The following ATP2A3 variants were observed in gnomAD, a reference collection of about 807,000 sequenced individuals.
ATP2A3 encodes ATPase sarcoplasmic/endoplasmic reticulum Ca2+ transporting 3, also known as sarcoplasmic/endoplasmic reticulum calcium ATPase 3.
A neutral mutation model predicts 106.8 loss-of-function variants in ATP2A3; 61 were observed. The ratio of observed to expected loss-of-function variants is 0.57; its 90% confidence interval spans 0.46 to 0.71. ATP2A3 has a LOEUF of 0.71. Ranked by LOEUF, ATP2A3 falls within the 30% of genes least tolerant of loss-of-function variation. The pLI, the probability that ATP2A3 is intolerant of heterozygous loss-of-function variation, is 0.00. For missense variants in ATP2A3, 1,201 were observed against 1,423.5 expected, an observed-to-expected ratio of 0.84 and a Z score of 2.52; for synonymous variants, 611 against 609.3, an observed-to-expected ratio of 1.00 and a Z score of -0.04.
chr17:3,960,645 A>G (rs1049330530), intron 1 of ATP2A3, among the ~76,000 whole-genome samples: 1 of 152,232 alleles, frequency 6.6e-6, no homozygotes, highest in Non-Finnish European at 1.5e-5. Context: ...AAAGACACCC[A>G]ATGTGACTTT....
chr17:3,947,504 G>A lies in ATP2A3; in HGVS notation c.982C>T (p.Arg328Cys), dbSNP rs575315392. 42 of 1,613,386 alleles carry A rather than the reference G, an allele frequency of 2.6e-5. No individual in the cohort carries two copies. Among genetic ancestry groups the A allele is most frequent in the Admixed American group, 2.0e-4 (12 of 60,006 alleles). ...AGGCTTCGCACGATGGCGTTCTTGC[G>A]TGCCATGCGCCGCGTGCCCAGTGCC... ...CLALGTRRMA[R>C]KNAIVRSLPS... The change falls in exon 8 of 21, where the codon CGC becomes TGC. Residue 328 changes from arginine to cysteine, a missense_variant. Arg to Cys is a radical substitution (Grantham distance 180, BLOSUM62 -3). Transcript: ENST00000397041. This position sits in a 1 kb window ranked among gnomAD's most constrained non-coding sequence, Gnocchi z 7.7.
At chr17:3,927,212 GGCCTGGGGAATCC>G in intron 20 of ATP2A3, 1 of 985,422 alleles carries the variant, frequency 1.0e-6, no homozygotes, top group Non-Finnish European at 1.2e-6. Context: ...CCGCTCTTTA[GGCCTGGGGAATCC>G]TCCACCATCC....
At chr17:3,946,976 T>C (rs1445554018) in intron 8 of ATP2A3, among the ~76,000 whole-genome samples, 1 of 152,236 alleles carries the variant, frequency 6.6e-6, no homozygotes, top group Non-Finnish European at 1.5e-5. Flanking sequence ...AGCTGGCTTA[T>C]CTGGTGACAG....
At chr17:3,950,882 G>C in intron 5 of ATP2A3, 109 bp from the exon 6 acceptor site, 3 of 1,080,178 alleles carry the variant, frequency 2.8e-6, no homozygotes, top group Non-Finnish European at 4.1e-6. Context: ...GGGTGCCTGA[G>C]CTGTGATCGC....
chr17:3,948,696 G>A (rs2054252990), intron 7 of ATP2A3, among the ~76,000 whole-genome samples: 1 of 152,086 alleles, frequency 6.6e-6, no homozygotes, highest in African/African-American at 2.4e-5. Flanking sequence ...TGGGATTATA[G>A]GCATGAGCTA....
At position 3,953,806 on chromosome 17, in the gene ATP2A3, T is replaced by C. The variant is rs1236229789; in HGVS notation, c.119-96A>G. The C allele has an allele frequency of 7.4e-6, 10 of 1,359,718 alleles. 1 individual carries two copies. The highest frequency in any genetic ancestry group is 4.1e-4 in the Middle Eastern group (2 of 4,832). The allele number at this position is 1,359,718 out of a possible 1,614,324, so 84.2% of individuals were successfully genotyped here. A position where few individuals can be genotyped will look rare whatever the true frequency, so the allele number is the denominator to read the frequency against. On this transcript the variant is annotated intron_variant, in intron 1 of 20. Coordinates refer to ENST00000397041, the MANE Select transcript of ATP2A3 (RefSeq NM_005173.4). The surrounding 1 kb of genome is among the most constrained non-coding windows in gnomAD (Gnocchi z 5.1). The stretch of plus-strand genomic sequence containing the variant: ...GGAGTCTGGCAGTGCCTCCCCACCG[T>C]GCCCGCCCAGACCCCCACCACGGAC...
In ATP2A3 at chr17:3,928,406, C is replaced by G; in HGVS notation, c.2980+257G>C. 1 of 1,367,172 alleles carries G rather than the reference C, an allele frequency of 7.3e-7. No individual in the cohort carries two copies. The highest frequency in any genetic ancestry group is 1.4e-5 in the African/African-American group (1 of 69,606). 84.7% of individuals were successfully genotyped at this position (1,367,172 alleles called of 1,614,324 possible). The stretch of plus-strand genomic sequence containing the variant: ...CCATGTAGGGGGTGGCAGGTGAAGA[C>G]AGTGAGGCAGTGTGGCCCAAGAGGT... On this transcript the variant is annotated intron_variant, in intron 20 of 20. Transcript: ENST00000397041. The surrounding 1 kb of genome is among the most constrained non-coding windows in gnomAD (Gnocchi z 6.1).
At position 3,953,002 on chromosome 17, in the gene ATP2A3, C is replaced by T. The variant is rs1047560231; in HGVS notation, c.219+345G>A. Among the ~76,000 whole-genome samples the T allele has an allele frequency of 6.6e-6, 1 of 152,162 alleles. No homozygotes were observed. Among genetic ancestry groups the T allele is most frequent in the Non-Finnish European group, 1.5e-5 (1 of 68,022 alleles). On this transcript the variant is annotated intron_variant, in intron 3 of 20. Coordinates refer to ENST00000397041, the MANE Select transcript of ATP2A3 (RefSeq NM_005173.4). This position sits in a 1 kb window ranked among gnomAD's most constrained non-coding sequence, Gnocchi z 5.1. ...CAGTGGAAAGCCCCCACCCCCACCC[C>T]GACAAAGAATGATCTGGTCTAAACT...
chr17:3,962,235 A>C (rs557880476), intron 1 of ATP2A3, among the ~76,000 whole-genome samples: 2 of 152,254 alleles, frequency 1.3e-5, no homozygotes, highest in East Asian at 3.9e-4. Flanking sequence ...CCCAGAGAGG[A>C]GCAGGTAACC....
chr17:3,951,121 C>T lies in ATP2A3; in HGVS notation c.463+130G>A, dbSNP rs764998392. 9.4e-5 allele frequency: 92 copies of T among 978,216 alleles called. No homozygotes were observed. In the Middle Eastern group the frequency reaches 1.1e-3, roughly 12 times the overall value. 60.6% of individuals were successfully genotyped at this position (978,216 alleles called of 1,614,324 possible). A position where few individuals can be genotyped will look rare whatever the true frequency, so the allele number is the denominator to read the frequency against. The stretch of plus-strand genomic sequence containing the variant: ...CGGGAGGCAGGAGGTTGCAGTGAGC[C>T]GAGATTGCGCCACTGCACTCCAGTC... On this transcript the variant is annotated intron_variant, in intron 5 of 20. Coordinates refer to ENST00000397041, the MANE Select transcript of ATP2A3 (RefSeq NM_005173.4).
At chr17:3,935,561 G>C in intron 16 of ATP2A3, among the ~76,000 whole-genome samples, 1 of 130,388 alleles carries the variant, frequency 7.7e-6, no homozygotes, top group Non-Finnish European at 1.6e-5. Context: ...TTTTTGAGAC[G>C]GAGTCTCACT....
rs1249293754 is a variant in ATP2A3 at position 3,930,240 on chromosome 17, G to C, written c.2744+61C>G. On this transcript the variant is annotated intron_variant, in intron 18 of 20. Transcript: ENST00000397041. This position sits in a 1 kb window ranked among gnomAD's most constrained non-coding sequence, Gnocchi z 5.4. ...CCCTGACCCTCAGACACTGATACTGGAACCCCCAGCCCTCAGCCCCCACTC... is the reference window on the plus strand; with the variant it reads ...CCCTGACCCTCAGACACTGATACTGCAACCCCCAGCCCTCAGCCCCCACTC... 7.3e-7 allele frequency: 1 copy of C among 1,375,338 alleles called. No homozygotes were observed. Among genetic ancestry groups the C allele is most frequent in the Non-Finnish European group, 9.5e-7 (1 of 1,055,284 alleles). The allele number at this position is 1,375,338 out of a possible 1,614,324, so 85.2% of individuals were successfully genotyped here. A position where few individuals can be genotyped will look rare whatever the true frequency, so the allele number is the denominator to read the frequency against.
At chr17:3,950,902 C>A in intron 5 of ATP2A3, 129 bp from the exon 6 acceptor site, 2 of 940,410 alleles carry the variant, frequency 2.1e-6, no homozygotes, top group Non-Finnish European at 1.6e-6. Flanking sequence ...CTCTGGTGAC[C>A]CCTGCCCCTC....
chr17:3,936,226 G>T lies in ATP2A3; in HGVS notation c.2524+41C>A. The T allele has an allele frequency of 6.2e-7, 1 of 1,610,512 alleles. No homozygotes were observed. Among genetic ancestry groups the T allele is most frequent in the Non-Finnish European group, 8.5e-7 (1 of 1,177,194 alleles). ...TTGCAAGCCTGATACAAGGCTCTTA[G>T]GAAGCTTAGGAATTCCACGGAGGGC... is the stretch of plus-strand genomic sequence containing the variant. On this transcript the variant is annotated intron_variant, in intron 16 of 20. Transcript: ENST00000397041. This position sits in a 1 kb window ranked among gnomAD's most constrained non-coding sequence, Gnocchi z 5.4.
chr17:3,927,946 C>T (rs753960), intron 20 of ATP2A3: 214,971 of 1,612,248 alleles, frequency 0.13, 15,327 homozygotes, highest in African/African-American at 0.23. Context: ...ATACGGCCAC[C>T]GCCTCTGCGC....
At position 3,929,536 on chromosome 17, in the gene ATP2A3, T is replaced by TAGAGA; in HGVS notation, c.2745-92_2745-91insTCTCT. ...CATGGGAGGAGCCTCACCACTTCTC[T>TAGAGA]AGCGGTGCATTGCTGTTGCCCGCTC... On this transcript the variant is annotated intron_variant, in intron 18 of 20. Coordinates refer to ENST00000397041, the MANE Select transcript of ATP2A3 (RefSeq NM_005173.4). The surrounding 1 kb of genome is among the most constrained non-coding windows in gnomAD (Gnocchi z 4.3). The TAGAGA allele has an allele frequency of 9.1e-7, 1 of 1,096,590 alleles. No individual in the cohort carries two copies. Among genetic ancestry groups the TAGAGA allele is most frequent in the Non-Finnish European group, 1.3e-6 (1 of 748,190 alleles). 67.9% of individuals were successfully genotyped at this position (1,096,590 alleles called of 1,614,324 possible).
intron 10 of ATP2A3, 23 bp downstream of exon 10, chr17:3,944,681 T>C: frequency 6.2e-7 from 1 of 1,607,024 alleles, no homozygotes; most frequent in South Asian, 1.1e-5. Flanking sequence ...ACTAGGGAGG[T>C]CATGAAAGGG....
intron 11 of ATP2A3, 111 bp from the exon 12 acceptor site, chr17:3,942,842 T>A (rs2053862242): frequency 6.7e-7 from 1 of 1,484,452 alleles, no homozygotes; most frequent in African/African-American, 1.4e-5. Context: ...TGGGATGACA[T>A]CTACACTCCT....
intron 10 of ATP2A3, among the ~76,000 whole-genome samples, chr17:3,943,731 C>A (rs570478746): frequency 6.6e-6 from 1 of 152,168 alleles, no homozygotes; most frequent in Admixed American, 6.5e-5. Flanking sequence ...TGGCATTGAT[C>A]GCCACACACC....
Sources: allele counts gnomAD v4.1 joint callset (sites outside exome capture counted in the v4.1 genomes callset), GRCh38; gene constraint gnomAD v4.1.1; non-coding constraint Gnocchi (gnomAD v3.1); transcripts MANE v1.5; gene names NCBI Gene and HGNC (gene_info 2026-07-23, HGNC 2026-07-21).